The following GRM8 variants were observed in gnomAD, a reference collection of about 807,000 sequenced individuals.
The protein encoded by GRM8 is glutamate metabotropic receptor 8.
In GRM8, 47 loss-of-function variants were observed where a neutral mutation model predicts 87.2. That is an observed-to-expected ratio of 0.54 (90% confidence interval 0.43 to 0.69). GRM8 has a LOEUF of 0.69. Ranked by LOEUF, GRM8 falls within the 30% of genes least tolerant of loss-of-function variation. The probability of loss-of-function intolerance (pLI) is 0.00; values close to 1 mark genes in which losing one functional copy is unlikely to be tolerated. For synonymous variants in GRM8, 396 were observed against 404.5 expected, an observed-to-expected ratio of 0.98 and a Z score of 0.25; for missense variants, 1,019 against 1,139.2, an observed-to-expected ratio of 0.89 and a Z score of 1.52.
intron 7 of GRM8, among the ~76,000 whole-genome samples, chr7:126,687,372 C>A (rs1357587391): frequency 6.6e-6 from 1 of 152,146 alleles, no homozygotes; most frequent in African/African-American, 2.4e-5. Flanking sequence ...ATCTGCTAGG[C>A]CACTTTTGAG....
intron 7 of GRM8, among the ~76,000 whole-genome samples, chr7:126,733,900 T>C (rs1382838707): frequency 1.3e-5 from 2 of 152,088 alleles, no homozygotes; most frequent in African/African-American, 4.8e-5. Flanking sequence ...CCAATGCAAT[T>C]AGACATGTAA....
chr7:126,532,225 T>C (rs963279292), intron 9 of GRM8, among the ~76,000 whole-genome samples: 1 of 152,216 alleles, frequency 6.6e-6, no homozygotes, highest in African/African-American at 2.4e-5. Flanking sequence ...AGAAATTACT[T>C]TGGGGGAGTC....
chr7:127,128,643 AC>A (rs1277061257), intron 2 of GRM8, among the ~76,000 whole-genome samples: 2 of 152,156 alleles, frequency 1.3e-5, no homozygotes, highest in African/African-American at 4.8e-5. Flanking sequence ...CATTATCTCT[AC>A]TTTATAGGTA....
At chr7:126,827,291 G>A (rs373631115) in intron 6 of GRM8, among the ~76,000 whole-genome samples, 3 of 152,008 alleles carry the variant, frequency 2.0e-5, no homozygotes, top group Admixed American at 6.5e-5. Flanking sequence ...CATTGAATCT[G>A]TAAATTACCT....
At position 126,533,132 on chromosome 7, in the gene GRM8, A is replaced by G; in HGVS notation, c.2250T>C (p.Ile750=). 11 of 1,613,330 alleles carry G rather than the reference A, an allele frequency of 6.8e-6. No individual in the cohort carries two copies. The highest frequency in any genetic ancestry group is 8.5e-6 in the Non-Finnish European group (10 of 1,179,856). The change falls in exon 9 of 11, where the codon ATT becomes ATC. Residue 750 remains isoleucine, a synonymous_variant. Coordinates refer to ENST00000339582, the MANE Select transcript of GRM8 (RefSeq NM_000845.3). ...LKCDISDLSL[I]CSLGYSILLM... is the part of the protein sequence containing the mutation. ...AGAGGATACTGTATCCAAGTGAACAAATGAGTGAGAGATCAGAAATGTCAC... is the reference window on the plus strand; with the variant it reads ...AGAGGATACTGTATCCAAGTGAACAGATGAGTGAGAGATCAGAAATGTCAC...
At chr7:127,103,595 A>C (rs1587013232) in intron 3 of GRM8, among the ~76,000 whole-genome samples, 1 of 152,296 alleles carries the variant, frequency 6.6e-6, no homozygotes, top group East Asian at 1.9e-4. Flanking sequence ...ATGGTCTAAC[A>C]CACCTCCATT....
chr7:127,188,171 A>C (rs1026577053), intron 2 of GRM8, among the ~76,000 whole-genome samples: 1 of 152,230 alleles, frequency 6.6e-6, no homozygotes, highest in African/African-American at 2.4e-5. Context: ...TCCTCACAAT[A>C]AACTTATGAC....
chr7:126,482,363 T>C (rs1390838612), intron 9 of GRM8, among the ~76,000 whole-genome samples: 1 of 151,980 alleles, frequency 6.6e-6, no homozygotes, highest in Non-Finnish European at 1.5e-5. Context: ...ATGTTGACAG[T>C]AGCATTATTC....
chr7:126,644,603 C>G (rs968651106), intron 7 of GRM8, among the ~76,000 whole-genome samples: 3 of 152,132 alleles, frequency 2.0e-5, no homozygotes, highest in Non-Finnish European at 4.4e-5. Context: ...CTAAATCTTC[C>G]CTATTCTGGA....
intron 3 of GRM8, among the ~76,000 whole-genome samples, chr7:127,020,445 G>A (rs747340034): frequency 4.6e-5 from 7 of 152,012 alleles, no homozygotes; most frequent in Non-Finnish European, 7.4e-5. Context: ...TCTCCCCTAG[G>A]AGAGCAGCCA....
intron 9 of GRM8, among the ~76,000 whole-genome samples, chr7:126,469,789 GA>G (rs1804948266): frequency 1.3e-5 from 2 of 152,108 alleles, no homozygotes; most frequent in Admixed American, 1.3e-4. Context: ...AGCAGTGTAA[GA>G]AAGGACTAAT....
At chr7:126,994,440 G>A (rs879736917) in intron 3 of GRM8, among the ~76,000 whole-genome samples, 3 of 152,142 alleles carry the variant, frequency 2.0e-5, no homozygotes, top group Admixed American at 1.3e-4. Flanking sequence ...GGCTCTTAGG[G>A]ATCCCTGAAT....
intron 3 of GRM8, among the ~76,000 whole-genome samples, chr7:126,950,362 T>A (rs1203750699): frequency 6.6e-6 from 1 of 152,208 alleles, no homozygotes; most frequent in Non-Finnish European, 1.5e-5. Context: ...AAATTATACA[T>A]CTGTTGTCAA....
chr7:126,771,998 A>G (rs1193706619), intron 6 of GRM8, among the ~76,000 whole-genome samples: 2 of 152,090 alleles, frequency 1.3e-5, no homozygotes, highest in African/African-American at 4.8e-5. Flanking sequence ...TGTTCCCAGA[A>G]TCATTCATCA....
chr7:126,633,134 T>C (rs1801506728), intron 7 of GRM8, among the ~76,000 whole-genome samples: 1 of 152,232 alleles, frequency 6.6e-6, no homozygotes, highest in East Asian at 1.9e-4. Flanking sequence ...ATACACATCG[T>C]ATCAATGGCT....
At chr7:126,740,093 G>A (rs1255918591) in intron 7 of GRM8, among the ~76,000 whole-genome samples, 1 of 152,042 alleles carries the variant, frequency 6.6e-6, no homozygotes, top group Admixed American at 6.6e-5. Context: ...CATTTATATA[G>A]TATTGGTCTG....
chr7:127,059,061 C>T (rs1470586476), intron 3 of GRM8, among the ~76,000 whole-genome samples: 2 of 152,036 alleles, frequency 1.3e-5, no homozygotes, highest in Non-Finnish European at 2.9e-5. Context: ...TTCAAGACAA[C>T]CTGCTAAGGG....
intron 6 of GRM8, chr7:126,869,649 T>C (rs1347688689): frequency 1.3e-5 from 2 of 152,216 alleles, no homozygotes; most frequent in African/African-American, 2.4e-5. Context: ...TGAGCAGTCA[T>C]ACTTTGAAAG....
At chr7:126,732,827 T>C (rs1813749619) in intron 7 of GRM8, among the ~76,000 whole-genome samples, 1 of 152,106 alleles carries the variant, frequency 6.6e-6, no homozygotes, top group East Asian at 1.9e-4. Context: ...TTCTTAAGAA[T>C]AGTTTAGGAA....
Sources: gnomAD v4.1 joint callset for allele counts (sites outside exome capture counted in the v4.1 genomes callset) on GRCh38, gnomAD v4.1.1 for gene constraint, MANE v1.5 for transcripts, NCBI Gene and HGNC (gene_info 2026-07-23, HGNC 2026-07-21) for gene names.